Variants in MYO1A observed in about 807,000 individuals in gnomAD.
MYO1A encodes myosin IA.
In MYO1A, 127 loss-of-function variants were observed where a neutral mutation model predicts 138.5. That is an observed-to-expected ratio of 0.92 (90% confidence interval 0.79 to 1.06). The LOEUF (loss-of-function observed/expected upper bound fraction) is 1.06. Among genes scored for constraint, MYO1A ranks in the 50% least tolerant of loss-of-function variants. The pLI, the probability that MYO1A is intolerant of heterozygous loss-of-function variation, is 0.00. For synonymous variants in MYO1A, 477 were observed against 497.5 expected (o/e 0.96, Z 0.55); for missense variants, 1,211 against 1,288.8 (o/e 0.94, Z 0.92).
chr12:57,050,539 C>CA (rs959792390), upstream of MYO1A, among the ~76,000 whole-genome samples: 35 of 151,862 alleles, frequency 2.3e-4, no homozygotes, highest in Non-Finnish European at 4.6e-4. Flanking sequence ...GTCTTCCTAG[C>CA]AAAAAAACAG....
intron 8 of MYO1A, among the ~76,000 whole-genome samples, chr12:57,045,809 G>T (rs572025692): frequency 1.3e-5 from 2 of 152,316 alleles, no homozygotes; most frequent in South Asian, 2.1e-4. Flanking sequence ...CATCCAGGCT[G>T]TGATGGACCC....
chr12:57,048,375 C>T (rs1555168371), intron 1 of MYO1A, 32 bp from the exon 2 acceptor site: 1 of 1,338,356 alleles, frequency 7.5e-7, no homozygotes, highest in Non-Finnish European at 1.1e-6. Flanking sequence ...TGCTGATGTC[C>T]ACTCAGCTTT....
rs958983189 is a variant in MYO1A at position 57,031,177 on chromosome 12, A to G, written c.2350-3T>C. The G allele has an allele frequency of 6.2e-7, 1 of 1,614,132 alleles. No individual in the cohort carries two copies. The highest frequency in any genetic ancestry group is 1.1e-5 in the South Asian group (1 of 91,076). On this transcript the variant is annotated splice_region_variant and splice_polypyrimidine_tract_variant and intron_variant, in intron 22 of 27. Coordinates refer to ENST00000300119, the MANE Select transcript of MYO1A (RefSeq NM_005379.4). ...AGCCCCAGTAGGAATTTCTGTACCTAGTTTGGGACCAGGGGGATTGGGAGT... is the reference window on the plus strand; with the variant it reads ...AGCCCCAGTAGGAATTTCTGTACCTGGTTTGGGACCAGGGGGATTGGGAGT...
intron 23 of MYO1A, 105 bp from the exon 24 acceptor site, chr12:57,030,421 T>A: frequency 4.1e-6 from 4 of 974,308 alleles, no homozygotes; most frequent in South Asian, 2.8e-5. Flanking sequence ...GGAGAGAGAC[T>A]GAGGAAAAAG....
At position 57,038,843 on chromosome 12, in the gene MYO1A, AG is replaced by A; in HGVS notation, c.1498del (p.Leu500SerfsTer13). 4 of 1,614,166 alleles carry A rather than the reference AG, an allele frequency of 2.5e-6. No individual in the cohort carries two copies. The highest frequency in any genetic ancestry group is 3.4e-6 in the Non-Finnish European group (4 of 1,180,038). On this transcript the variant is annotated frameshift_variant, in exon 16 of 28. Coordinates refer to ENST00000300119, the MANE Select transcript of MYO1A (RefSeq NM_005379.4). LOFTEE classifies it high-confidence loss of function. ...AQRQYDHTMG[L>X]SCFRICHYAG... The stretch of plus-strand genomic sequence containing the variant: ...ATAGTGGCAGATGCGGAAGCAGCTG[AG>A]GCCCATGGTGTGGTCATACTGACGC...
chr12:57,045,397 G>A (rs1252454786), intron 8 of MYO1A, among the ~76,000 whole-genome samples: 1 of 152,132 alleles, frequency 6.6e-6, no homozygotes, highest in Non-Finnish European at 1.5e-5. Context: ...ACAAGGGCCT[G>A]CTAAGGAGGG....
chr12:57,043,782 G>A lies in MYO1A; in HGVS notation c.892+74C>T, dbSNP rs2030969650. On this transcript the variant is annotated intron_variant, in intron 10 of 27. Coordinates refer to ENST00000300119, the MANE Select transcript of MYO1A (RefSeq NM_005379.4). The stretch of plus-strand genomic sequence containing the variant: ...TCAGGGTGAGATCAATTATGCTAGA[G>A]ATGGTAGAAGGACACGACTTGTAGT... 4.4e-6 allele frequency: 7 copies of A among 1,597,158 alleles called. No individual in the cohort carries two copies. The South Asian group carries it at 4.4e-5, about 10-fold the overall frequency.
intron 14 of MYO1A, among the ~76,000 whole-genome samples, chr12:57,040,551 C>A (rs1392908889): frequency 6.6e-6 from 1 of 152,120 alleles, no homozygotes; most frequent in Non-Finnish European, 1.5e-5. Context: ...TTAAAACATA[C>A]AAAACAACTA....
chr12:57,044,140 C>A lies in MYO1A; in HGVS notation c.710G>T (p.Gly237Val), dbSNP rs560195758. ...YLNHEVSRVD[G>V]MDDASSFRAV... Reference sequence around the variant, plus strand: ...CCTGAAGCTGGAGGCGTCGTCCATGCCATCCACTCTGGATACTTCATGATT... The same window carrying A: ...CCTGAAGCTGGAGGCGTCGTCCATGACATCCACTCTGGATACTTCATGATT... Residue 237 changes from glycine (G) to valine (V), a missense_variant, in exon 9 of 28, where the codon GGC (glycine) becomes GTC (valine). Gly to Val is a moderately radical substitution (Grantham distance 109). Coordinates refer to ENST00000300119, the MANE Select transcript of MYO1A (RefSeq NM_005379.4). 2.1e-4 allele frequency: 334 copies of A among 1,614,180 alleles called. 9 individuals are homozygous for A. The South Asian group carries it at 3.4e-3, about 17-fold the overall frequency.
At position 57,029,507 on chromosome 12, in the gene MYO1A, A is replaced by G; in HGVS notation, c.2805T>C (p.Ile935=). ...DTKKSQAKIV[I]GLDNVAGVSV... Reference sequence around the variant, plus strand: ...ACACCCCAGCCACATTGTCTAGCCCAATGACAATTTTGGCCTGGGACTTCT... The same window carrying G: ...ACACCCCAGCCACATTGTCTAGCCCGATGACAATTTTGGCCTGGGACTTCT... Residue 935 remains isoleucine (I), a synonymous_variant, in exon 26 of 28, where the codon ATT becomes ATC. Coordinates refer to ENST00000300119, the MANE Select transcript of MYO1A (RefSeq NM_005379.4). 1 of 1,614,160 alleles carries G rather than the reference A, an allele frequency of 6.2e-7. No homozygotes were observed.
rs2030138557 is a variant in MYO1A, at chr12:57,029,272, G to GA, written c.2878-14dup. 1 of 1,613,740 alleles carries GA rather than the reference G, an allele frequency of 6.2e-7. No individual in the cohort carries two copies. On this transcript the variant is annotated splice_polypyrimidine_tract_variant and intron_variant, in intron 26 of 27. Coordinates refer to ENST00000300119, the MANE Select transcript of MYO1A (RefSeq NM_005379.4). ...CCACCGATGACATCTTAGGAAGAGGGAAAAATAGCAGGAAAGGGATTCATT... is the reference window on the plus strand; with the variant it reads ...CCACCGATGACATCTTAGGAAGAGGGAAAAAATAGCAGGAAAGGGATTCATT...
chr12:57,039,075 G>A, intron 15 of MYO1A, 66 bp from the exon 16 acceptor site: 1 of 1,574,612 alleles, frequency 6.4e-7, no homozygotes, highest in Non-Finnish European at 8.7e-7. Context: ...CGTTCTCATT[G>A]CTGCCCCCTT....
rs575531722 is a variant in MYO1A, at chr12:57,042,956, C to A, written c.1098+116G>T. 2.5e-5 allele frequency: 24 copies of A among 957,030 alleles called. No individual in the cohort carries two copies. The African/African-American group carries it at 3.4e-4, about 13-fold the overall frequency. 59.3% of individuals were successfully genotyped at this position (957,030 alleles called of 1,614,324 possible). ...CAACACACTGTTAGAAGGAACTGTACCCTCCCCATCATCCTCCCTACTCTG... is the reference window on the plus strand; with the variant it reads ...CAACACACTGTTAGAAGGAACTGTAACCTCCCCATCATCCTCCCTACTCTG... On this transcript the variant is annotated intron_variant, in intron 12 of 27. Transcript: ENST00000300119.
chr12:57,044,004 C>A lies in MYO1A; in HGVS notation c.745-1G>T, dbSNP rs1295450242. The A allele has an allele frequency of 6.2e-7, 1 of 1,614,166 alleles. No homozygotes were observed. The highest frequency in any genetic ancestry group is 2.2e-5 in the East Asian group (1 of 44,882). ...AGAACCCAATCACTGCCATTGCACT[C>A]TTAGGCAGAAAGCAGAAATCAAAAG... On this transcript the variant is annotated splice_acceptor_variant, in intron 9 of 27. Transcript: ENST00000300119. LOFTEE classifies it high-confidence loss of function.
At chr12:57,036,228 T>G in intron 22 of MYO1A, 79 bp downstream of exon 22, 1 of 1,383,592 alleles carries the variant, frequency 7.2e-7, no homozygotes, top group South Asian at 1.2e-5. Flanking sequence ...AGCTTTGGGT[T>G]GCCTCTTCTC....
chr12:57,030,077 T>C, intron 24 of MYO1A, 133 bp downstream of exon 24: 2 of 1,214,388 alleles, frequency 1.6e-6, no homozygotes, highest in Non-Finnish European at 2.4e-6. Context: ...CCCCAAGACC[T>C]GCTGGATCAG....
At chr12:57,050,225 C>T (rs994544708), upstream of MYO1A, 2 of 152,270 alleles carry the variant, frequency 1.3e-5, no homozygotes, top group African/African-American at 4.8e-5. Flanking sequence ...GAGGGAGACA[C>T]TCAAGCTCCC....
At chr12:57,043,201 G>T (rs772988030) in intron 11 of MYO1A, 39 bp downstream of exon 11, 9 of 1,613,742 alleles carry the variant, frequency 5.6e-6, no homozygotes, top group South Asian at 4.4e-5. Context: ...TCACAGAACA[G>T]GGTCGAAACA....
At chr12:57,035,827 C>T (rs1244866838) in intron 22 of MYO1A, among the ~76,000 whole-genome samples, 3 of 152,332 alleles carry the variant, frequency 2.0e-5, no homozygotes, top group East Asian at 1.9e-4. Flanking sequence ...ATAGGTCCTT[C>T]CTGAGATTTA....
Sources: gnomAD v4.1 joint callset for allele counts (sites outside exome capture counted in the v4.1 genomes callset) on GRCh38, gnomAD v4.1.1 for gene constraint, MANE v1.5 for transcripts, NCBI Gene and HGNC (gene_info 2026-07-23, HGNC 2026-07-21) for gene names.